The following CEP170 variants were observed in gnomAD, a reference collection of about 807,000 sequenced individuals.
CEP170 encodes centrosomal protein 170.
Under a neutral mutation model 151.9 loss-of-function variants are expected in CEP170, and 21 were observed. The observed-to-expected ratio is 0.14, with a 90% CI of 0.10 to 0.20. The LOEUF (loss-of-function observed/expected upper bound fraction) is 0.20, where lower values mean the gene tolerates loss of function less well. Among genes scored for constraint, CEP170 ranks in the 10% least tolerant of loss-of-function variants. CEP170 has a pLI of 1.00. For synonymous variants in CEP170, 356 were observed against 648.8 expected (o/e 0.55, Z 6.86); for missense variants, 964 against 1,892.9 (o/e 0.51, Z 9.11).
intron 3 of CEP170, among the ~76,000 whole-genome samples, chr1:243,219,711 A>G (rs1210102056): frequency 6.6e-6 from 1 of 152,262 alleles, no homozygotes. Context: ...CTTAAAGACA[A>G]TATAACATTG....
intron 8 of CEP170, among the ~76,000 whole-genome samples, chr1:243,189,557 A>C (rs1361690165): frequency 1.6e-5 from 2 of 128,194 alleles, no homozygotes; most frequent in Non-Finnish European, 3.4e-5. Context: ...CTCTGTCTCC[A>C]AAAAAAAAAA....
chr1:243,221,666 TATTCTTA>T (rs2062827995), intron 3 of CEP170, 51 bp downstream of exon 3: 23 of 1,472,614 alleles, frequency 1.6e-5, no homozygotes, highest in Non-Finnish European at 1.9e-5. Context: ...ATCTGATTTT[TATTCTTA>T]CAATATTAAA....
intron 1 of CEP170, among the ~76,000 whole-genome samples, chr1:243,230,863 T>C (rs1183082042): frequency 6.6e-6 from 1 of 152,054 alleles, no homozygotes; most frequent in African/African-American, 2.4e-5. Context: ...ACTTCCAAAA[T>C]ACATCAATAC....
At chr1:243,233,424 C>T (rs1037530844) in intron 1 of CEP170, among the ~76,000 whole-genome samples, 1 of 151,950 alleles carries the variant, frequency 6.6e-6, no homozygotes, top group Non-Finnish European at 1.5e-5. Context: ...AAATTACATA[C>T]ATTTTACTGC....
intron 14 of CEP170, among the ~76,000 whole-genome samples, chr1:243,153,482 CTTT>C (rs1394886739): frequency 6.6e-6 from 1 of 152,174 alleles, no homozygotes; most frequent in Non-Finnish European, 1.5e-5. Flanking sequence ...CTGTTGTCTT[CTTT>C]TAATTAAGAA....
At chr1:243,220,021 C>T (rs1006937907) in intron 3 of CEP170, among the ~76,000 whole-genome samples, 9 of 152,230 alleles carry the variant, frequency 5.9e-5, no homozygotes, top group Non-Finnish European at 1.0e-4. Flanking sequence ...AAATTGCTAA[C>T]ATTCATGCCT....
At chr1:243,216,475 ATCT>A (rs2062310573) in intron 3 of CEP170, among the ~76,000 whole-genome samples, 1 of 150,370 alleles carries the variant, frequency 6.7e-6, no homozygotes, top group South Asian at 2.1e-4. Context: ...TGCTTTTATC[ATCT>A]TCTATTTTAT....
At position 243,169,578 on chromosome 1, in the gene CEP170, G is replaced by C. The variant is rs775138129; in HGVS notation, c.1843+50C>G. The C allele has an allele frequency of 9.9e-6, 15 of 1,513,364 alleles. No homozygotes were observed. The African/African-American group carries it at 1.4e-4, about 14-fold the overall frequency. The allele number at this position is 1,513,364 out of a possible 1,614,324, so 93.7% of individuals were successfully genotyped here. A position where few individuals can be genotyped will look rare whatever the true frequency, so the allele number is the denominator to read the frequency against. On this transcript the variant is annotated intron_variant, in intron 12 of 19. Transcript: ENST00000366542. ...AGAGTAAGAGAAAGAGAGAGAAATG[G>C]AGAAAGAGAAGAAAAAAGGGATAAA...
At chr1:243,229,238 C>T (rs757284335) in intron 1 of CEP170, among the ~76,000 whole-genome samples, 3 of 152,206 alleles carry the variant, frequency 2.0e-5, no homozygotes, top group Non-Finnish European at 4.4e-5. Flanking sequence ...TTGTACAGAA[C>T]ACAACCAAGG....
chr1:243,134,911 A>T (rs1558374491), intron 17 of CEP170, among the ~76,000 whole-genome samples: 1 of 152,130 alleles, frequency 6.6e-6, no homozygotes, highest in South Asian at 2.1e-4. Context: ...AAGAGAAAAG[A>T]TCAAGGTACA....
At chr1:243,184,338 T>C (rs2059808703) in intron 10 of CEP170, among the ~76,000 whole-genome samples, 1 of 152,080 alleles carries the variant, frequency 6.6e-6, no homozygotes, top group Non-Finnish European at 1.5e-5. Flanking sequence ...GTCCATGTTC[T>C]TAAATTGCAC....
chr1:243,145,835 G>A (rs1558407462), intron 14 of CEP170, among the ~76,000 whole-genome samples: 1 of 152,172 alleles, frequency 6.6e-6, no homozygotes, highest in African/African-American at 2.4e-5. Flanking sequence ...AAATAATTTA[G>A]TCTAGTTTGT....
rs1045037909 is a variant in CEP170, at chr1:243,178,724, CT to C, written c.1567-5879del. On this transcript the variant is annotated intron_variant, in intron 10 of 19. Coordinates refer to ENST00000366542, the MANE Select transcript of CEP170 (RefSeq NM_014812.3). ...TTAAATGGGACTCTATCTTCTTCTT[CT>C]TTTTTTTTTTTTGAGATGGGTCTTG... 1.7e-3 allele frequency among the ~76,000 whole-genome samples: 248 copies of C among 144,458 alleles called. 1 individual carries two copies. The highest frequency in any genetic ancestry group is 5.9e-3 in the South Asian group (27 of 4,574). The allele number at this position is 144,458 out of a possible 152,430, so 94.8% of individuals were successfully genotyped here.
At chr1:243,145,297 GTGGACTCT>G (rs1326127171) in intron 14 of CEP170, among the ~76,000 whole-genome samples, 3 of 152,020 alleles carry the variant, frequency 2.0e-5, no homozygotes, top group African/African-American at 7.2e-5. Context: ...ATTTTTTGAG[GTGGACTCT>G]CACTCTGTTG....
upstream of CEP170, among the ~76,000 whole-genome samples, chr1:243,255,616 G>A (rs2066568041): frequency 1.3e-5 from 2 of 152,236 alleles, no homozygotes; most frequent in Non-Finnish European, 2.9e-5. Context: ...ATTTCTTGAA[G>A]ATTTATTCGA....
At chr1:243,148,041 T>C (rs937869438) in intron 14 of CEP170, among the ~76,000 whole-genome samples, 1 of 151,248 alleles carries the variant, frequency 6.6e-6, no homozygotes, top group African/African-American at 2.4e-5. Context: ...TAGCCAGGCA[T>C]GGTGGCATGC....
At chr1:243,200,248 G>A (rs2060936270) in intron 6 of CEP170, among the ~76,000 whole-genome samples, 1 of 152,034 alleles carries the variant, frequency 6.6e-6, no homozygotes, top group Non-Finnish European at 1.5e-5. Flanking sequence ...TGGGAGTCCT[G>A]AAACCAGTCC....
At chr1:243,191,916 T>A (rs2060331624) in intron 7 of CEP170, among the ~76,000 whole-genome samples, 1 of 152,128 alleles carries the variant, frequency 6.6e-6, no homozygotes, top group African/African-American at 2.4e-5. Flanking sequence ...AGATGAGATA[T>A]CTGAAATATA....
chr1:243,210,608 A>ATTTTTTTTTTTTTTTTTTTTTTTTTTTT, intron 4 of CEP170, among the ~76,000 whole-genome samples: 4 of 67,942 alleles, frequency 5.9e-5, no homozygotes, highest in East Asian at 5.0e-4. Context: ...ATTTTTCGTA[A>ATTTTTTTTTTTTTTTTTTTTTTTTTTTT]TTTTTTTTTT....
Sources: allele counts gnomAD v4.1 joint callset (sites outside exome capture counted in the v4.1 genomes callset), GRCh38; gene constraint gnomAD v4.1.1; transcripts MANE v1.5; gene names NCBI Gene and HGNC (gene_info 2026-07-23, HGNC 2026-07-21).